Variants in COL10A1 observed in about 807,000 individuals in gnomAD.
The protein encoded by COL10A1 is collagen type X alpha 1 chain.
A neutral mutation model predicts 18.2 loss-of-function variants in COL10A1; 10 were observed. The observed-to-expected ratio is 0.55, with a 90% CI of 0.34 to 0.93. COL10A1 has a LOEUF of 0.93. COL10A1 is among the 40% of genes least tolerant of loss of function. COL10A1 has a pLI of 0.02. For synonymous variants in COL10A1, 330 were observed against 316.6 expected, an observed-to-expected ratio of 1.04 and a Z score of -0.45; for missense variants, 897 against 853.5, an observed-to-expected ratio of 1.05 and a Z score of -0.64.
At position 116,121,108 on chromosome 6, in the gene COL10A1, C is replaced by T; in HGVS notation, c.1008G>A (p.Leu336=). ...GTCCCATATTCCCAGGGGGTCCAGT[C>T]AGACCTGGCTTCCCAGGAAGACCTG... ...GPAGLPGKPG[L]TGPPGNMGPQ... The change falls in exon 3 of 3, where the codon CTG becomes CTA. Residue 336 remains leucine (L), a synonymous_variant. Coordinates refer to ENST00000651968, the MANE Select transcript of COL10A1 (RefSeq NM_000493.4). 1 of 1,613,802 alleles carries T rather than the reference C, an allele frequency of 6.2e-7. No homozygotes were observed. Among genetic ancestry groups the T allele is most frequent in the Non-Finnish European group, 8.5e-7 (1 of 1,179,864 alleles).
chr6:116,180,437 A>C, the COL10A1 span, among the ~76,000 whole-genome samples: 3 of 152,100 alleles, frequency 2.0e-5, no homozygotes, highest in African/African-American at 7.2e-5. Flanking sequence ...TCCCTAATGA[A>C]ATAATGGACC....
At chr6:116,179,431 A>G in the COL10A1 span, among the ~76,000 whole-genome samples, 2 of 152,118 alleles carry the variant, frequency 1.3e-5, no homozygotes, top group African/African-American at 4.8e-5. Flanking sequence ...AGGAATTCAA[A>G]CAAATCAGCA....
the COL10A1 span, among the ~76,000 whole-genome samples, chr6:116,167,035 A>G: frequency 2.6e-5 from 4 of 152,112 alleles, no homozygotes; most frequent in African/African-American, 7.2e-5. Context: ...TGGTTTATAA[A>G]TTTTTGCCCC....
chr6:116,157,767 A>G (rs1446960103), intron 1 of COL10A1, among the ~76,000 whole-genome samples: 1 of 152,166 alleles, frequency 6.6e-6, no homozygotes, highest in African/African-American at 2.4e-5. Flanking sequence ...CTTCACTTCA[A>G]ACAGACTCTA....
chr6:116,126,690 G>C (rs573728417), upstream of COL10A1, among the ~76,000 whole-genome samples: 4 of 152,146 alleles, frequency 2.6e-5, no homozygotes, highest in African/African-American at 9.6e-5. Context: ...GCTATATTCA[G>C]TAAATGACTT....
At chr6:116,170,638 A>G in the COL10A1 span, among the ~76,000 whole-genome samples, 4 of 152,164 alleles carry the variant, frequency 2.6e-5, no homozygotes, top group African/African-American at 9.7e-5. Context: ...ACTATTAAGA[A>G]CTGTTTGTGG....
At chr6:116,129,757 G>A (rs1779417306), upstream of COL10A1, among the ~76,000 whole-genome samples, 2 of 152,122 alleles carry the variant, frequency 1.3e-5, no homozygotes, top group Admixed American at 1.3e-4. Flanking sequence ...TAGGTGTCTT[G>A]TGTCACTTTT....
Position 116,119,928 on chromosome 6 carries a change from G to T in COL10A1, c.*145C>A, listed in dbSNP as rs1383740082. On this transcript the variant is annotated 3_prime_UTR_variant, in exon 3 of 3. Transcript: ENST00000651968. ...TTGCTGCTCACTTTTCAGGGGGAAGGTTTGTTGGTCTGATAGCTCAAATCT... is the reference window on the plus strand; with the variant it reads ...TTGCTGCTCACTTTTCAGGGGGAAGTTTTGTTGGTCTGATAGCTCAAATCT... 3.8e-6 allele frequency: 3 copies of T among 782,940 alleles called. No individual in the cohort carries two copies. The highest frequency in any genetic ancestry group is 2.5e-5 in the East Asian group (1 of 40,380). 48.5% of individuals were successfully genotyped at this position (782,940 alleles called of 1,614,324 possible). A position where few individuals can be genotyped will look rare whatever the true frequency, so the allele number is the denominator to read the frequency against.
Position 116,151,416 on chromosome 6 carries a change from C to T in COL10A1, c.-16+7198G>A, listed in dbSNP as rs144732980. Among the ~76,000 whole-genome samples, 394 of 152,198 alleles carry T rather than the reference C, an allele frequency of 2.6e-3. 10 individuals carry two copies. The South Asian group carries it at 0.043, about 17-fold the overall frequency. On this transcript the variant is annotated intron_variant, in intron 1 of 1. Transcript: ENST00000418500. ...CAACTCATATTGTTTTTGGTTTATA[C>T]CCTCTAAGTGATTGTATAGTTAAAG...
At chr6:116,156,850 G>A (rs745913255) in intron 1 of COL10A1, among the ~76,000 whole-genome samples, 10 of 152,080 alleles carry the variant, frequency 6.6e-5, no homozygotes, top group Middle Eastern at 3.4e-3. Context: ...GCCACCCCAC[G>A]GCCCCATTAC....
chr6:116,191,687 A>G, the COL10A1 span, among the ~76,000 whole-genome samples: 1 of 152,098 alleles, frequency 6.6e-6, no homozygotes, highest in Non-Finnish European at 1.5e-5. Flanking sequence ...AAAAGAGTCA[A>G]TAACATTGTC....
At chr6:116,188,429 C>T in the COL10A1 span, among the ~76,000 whole-genome samples, 1 of 151,960 alleles carries the variant, frequency 6.6e-6, no homozygotes, top group Non-Finnish European at 1.5e-5. Context: ...AGTTGCTATG[C>T]AGTGTGTCAT....
chr6:116,120,898 T>A lies in COL10A1; in HGVS notation c.1218A>T (p.Pro406=), dbSNP rs777942546. Residue 406 remains proline, a synonymous_variant, in exon 3 of 3, where the codon CCA becomes CCT. Coordinates refer to ENST00000651968, the MANE Select transcript of COL10A1 (RefSeq NM_000493.4). ...CAACTCCAGGATCACCTTTTGGACC[T>A]GGTAACCCTGGGTTACCCTTAGGAC... is the stretch of plus-strand genomic sequence containing the variant. ...LDGPKGNPGL[P]GPKGDPGVGG... is the part of the protein sequence containing the mutation. 2 of 1,613,874 alleles carry A rather than the reference T, an allele frequency of 1.2e-6. No individual in the cohort carries two copies. The highest frequency in any genetic ancestry group is 2.7e-5 in the African/African-American group (2 of 75,012).
chr6:116,170,392 G>A, the COL10A1 span, among the ~76,000 whole-genome samples: 1,670 of 152,256 alleles, frequency 0.011, 13 homozygotes, highest in Non-Finnish European at 0.018. Flanking sequence ...CGTAGTTGGT[G>A]TGCTTGTAGG....
At chr6:116,159,558 G>GT (rs1780281749), upstream of COL10A1, among the ~76,000 whole-genome samples, 1 of 152,172 alleles carries the variant, frequency 6.6e-6, no homozygotes, top group South Asian at 2.1e-4. Flanking sequence ...TGCTGAATCT[G>GT]TATGATGTAG....
chr6:116,184,900 T>G, the COL10A1 span, among the ~76,000 whole-genome samples: 1 of 152,060 alleles, frequency 6.6e-6, no homozygotes, highest in African/African-American at 2.4e-5. Flanking sequence ...TCTTGATTAT[T>G]TCTTTTCTTC....
Position 116,120,388 on chromosome 6 carries a change from A to C in COL10A1, c.1728T>G (p.Tyr576Ter), listed in dbSNP as rs147134977. Residue 576 changes from tyrosine (Y) to a stop codon, truncating the protein, a stop_gained, in exon 3 of 3, where the codon TAT (tyrosine) becomes TAG (stop). Transcript: ENST00000651968. LOFTEE classifies it high-confidence loss of function. The stretch of plus-strand genomic sequence containing the variant: ...TTGGGTCATAATGCTGTTGCCTGTT[A>C]TACAAAATTTTATCAAATGGTATGG... The part of the protein sequence containing the change: ...GTPIPFDKIL[Y>*]NRQQHYDPRT... 6.2e-7 allele frequency: 1 copy of C among 1,614,254 alleles called. No individual in the cohort carries two copies. Among genetic ancestry groups the C allele is most frequent in the East Asian group, 2.2e-5 (1 of 44,894 alleles).
intron 1 of COL10A1, among the ~76,000 whole-genome samples, chr6:116,143,056 A>T (rs34224224): frequency 0.19 from 29,028 of 152,178 alleles, 3,406 homozygotes; most frequent in Middle Eastern, 0.34. Context: ...CTTACTAGGA[A>T]ATTCCTGGAG....
chr6:116,132,101 G>T (rs1779483154), intron 1 of COL10A1, among the ~76,000 whole-genome samples: 1 of 152,132 alleles, frequency 6.6e-6, no homozygotes, highest in Admixed American at 6.6e-5. Context: ...TTGATTCCAT[G>T]TCTTTAACAC....
Sources: gnomAD v4.1 joint callset for allele counts (sites outside exome capture counted in the v4.1 genomes callset) on GRCh38, gnomAD v4.1.1 for gene constraint, MANE v1.5 for transcripts, NCBI Gene and HGNC (gene_info 2026-07-23, HGNC 2026-07-21) for gene names.